ULK2: variants seen among roughly 807,000 people sequenced by gnomAD.
ULK2 encodes the protein unc-51 like autophagy activating kinase 2.
ULK2 carries 76 observed loss-of-function variants against 127.5 expected under a neutral mutation model. That is an observed-to-expected ratio of 0.60 (90% CI 0.50 to 0.72). The LOEUF is 0.72. ULK2 is among the 30% of genes least tolerant of loss of function. The probability of loss-of-function intolerance (pLI) is 0.00; values close to 1 mark genes in which losing one functional copy is unlikely to be tolerated. For missense variants in ULK2, 1,144 were observed against 1,295.9 expected, an observed-to-expected ratio of 0.88 and a Z score of 1.80; for synonymous variants, 452 against 461.9, an observed-to-expected ratio of 0.98 and a Z score of 0.28.
At chr17:19,846,713 A>G (rs1287892269) in intron 6 of ULK2, 24 bp downstream of exon 6, 18 of 1,544,424 alleles carry the variant, frequency 1.2e-5, no homozygotes, top group Non-Finnish European at 1.5e-5. Flanking sequence ...TGTCCTTTCC[A>G]TGACACAATA....
At position 19,774,744 on chromosome 17, in the gene ULK2, G is replaced by C. The variant is rs1043199584; in HGVS notation, c.*1605C>G. ...TTAATATGTACCCAGCTACACCCTA[G>C]AAACACTTTGTCAGTTTTATTTTAC... On this transcript the variant is annotated 3_prime_UTR_variant, in exon 27 of 27. Coordinates refer to ENST00000395544, the MANE Select transcript of ULK2 (RefSeq NM_014683.4). 6.6e-6 allele frequency: 1 copy of C among 152,470 alleles called. No individual in the cohort carries two copies. Among genetic ancestry groups the C allele is most frequent in the Admixed American group, 6.6e-5 (1 of 15,262 alleles). The allele number at this position is 152,470 out of a possible 1,614,324, so 9.4% of individuals were successfully genotyped here.
intron 19 of ULK2, 112 bp from the exon 20 acceptor site, chr17:19,795,837 G>C: frequency 9.4e-7 from 1 of 1,058,558 alleles, no homozygotes; most frequent in Non-Finnish European, 1.4e-6. Flanking sequence ...AAACAATTCA[G>C]GGTAGAGATA....
chr17:19,808,986 A>C (rs1000698680), intron 14 of ULK2, among the ~76,000 whole-genome samples: 7 of 152,252 alleles, frequency 4.6e-5, no homozygotes, highest in African/African-American at 1.7e-4. Context: ...TGTTTATAAC[A>C]GCATGCACAA....
intron 15 of ULK2, among the ~76,000 whole-genome samples, chr17:19,802,943 TA>T (rs1320663524): frequency 6.6e-6 from 1 of 152,190 alleles, no homozygotes; most frequent in African/African-American, 2.4e-5. Context: ...CAAAAAGTCA[TA>T]TTCATAACAA....
chr17:19,824,362 G>A (rs886659809), intron 12 of ULK2, among the ~76,000 whole-genome samples: 17 of 145,060 alleles, frequency 1.2e-4, no homozygotes, highest in Admixed American at 3.0e-4. Flanking sequence ...TGGGAGAATC[G>A]CTTAAACCCA....
At chr17:19,800,776 C>T (rs1184770144) in intron 16 of ULK2, among the ~76,000 whole-genome samples, 1 of 152,014 alleles carries the variant, frequency 6.6e-6, no homozygotes, top group Non-Finnish European at 1.5e-5. Context: ...TTGAGATTTG[C>T]CACCCCCAGG....
At chr17:19,856,438 C>T (rs189865421) in intron 3 of ULK2, among the ~76,000 whole-genome samples, 8 of 149,098 alleles carry the variant, frequency 5.4e-5, no homozygotes, top group South Asian at 2.1e-4. Context: ...AAAAATTAGC[C>T]GGGTATGGTG....
rs777885670 is a variant in ULK2, at chr17:19,796,214, A to G, written c.1878T>C (p.His626=). 3.0e-5 allele frequency: 49 copies of G among 1,614,084 alleles called. No homozygotes were observed. The Admixed American group carries it at 7.5e-4, about 25-fold the overall frequency. The part of the protein sequence containing the change: ...SSNLLALVTR[H]GPAEEQSKDG... ...CTTTCGACTGTTCTTCAGCAGGCCC[A>G]TGACGAGTAACCAAGGCTAACAGGT... Residue 626 remains histidine (H), a synonymous_variant, in exon 19 of 27, where the codon CAT becomes CAC. Coordinates refer to ENST00000395544, the MANE Select transcript of ULK2 (RefSeq NM_014683.4).
chr17:19,843,244 G>A (rs1743354753), intron 7 of ULK2, 22 bp from the exon 8 acceptor site: 1 of 1,483,320 alleles, frequency 6.7e-7, no homozygotes, highest in Non-Finnish European at 9.1e-7. Context: ...AAAATTTAAG[G>A]GGCATGCCGT....
intron 12 of ULK2, among the ~76,000 whole-genome samples, chr17:19,821,255 C>T (rs1415145849): frequency 2.0e-5 from 3 of 152,068 alleles, no homozygotes; most frequent in Admixed American, 6.6e-5. Flanking sequence ...TGCAGTGAGC[C>T]GAGATCGCGC....
chr17:19,847,117 G>C (rs1478936571), intron 5 of ULK2, among the ~76,000 whole-genome samples: 1 of 152,164 alleles, frequency 6.6e-6, no homozygotes, highest in Non-Finnish European at 1.5e-5. Context: ...GTTGTAAAGA[G>C]AACTGACTGG....
At position 19,853,575 on chromosome 17, in the gene ULK2, CTT is replaced by C. The variant is rs112448802; in HGVS notation, c.226-3803_226-3802del. On this transcript the variant is annotated intron_variant, in intron 3 of 26. Coordinates refer to ENST00000395544, the MANE Select transcript of ULK2 (RefSeq NM_014683.4). ...CATTCCTACAATTCGGCCCCACCTT[CTT>C]TTTTTTTTTTTGAGACAAGAGTCTC... 1.7e-4 allele frequency among the ~76,000 whole-genome samples: 25 copies of C among 144,170 alleles called. No homozygotes were observed. In the South Asian group the frequency reaches 2.0e-3, roughly 11 times the overall value. 94.6% of individuals were successfully genotyped at this position (144,170 alleles called of 152,430 possible). A position where few individuals can be genotyped will look rare whatever the true frequency, so the allele number is the denominator to read the frequency against.
At chr17:19,795,394 A>C (rs548713734) in intron 20 of ULK2, among the ~76,000 whole-genome samples, 1 of 142,842 alleles carries the variant, frequency 7.0e-6, no homozygotes, top group African/African-American at 2.6e-5. Context: ...AACTCCTTCC[A>C]TTAGTAACGC....
At chr17:19,789,910 CAAA>C (rs34932017) in intron 20 of ULK2, among the ~76,000 whole-genome samples, 2 of 57,666 alleles carry the variant, frequency 3.5e-5, no homozygotes, top group African/African-American at 9.4e-5. Context: ...AAAAAGCTGC[CAAA>C]AAAAAAAAAA....
intron 14 of ULK2, among the ~76,000 whole-genome samples, chr17:19,807,865 G>C (rs2087547166): frequency 6.6e-6 from 1 of 152,138 alleles, no homozygotes; most frequent in African/African-American, 2.4e-5. Flanking sequence ...TTTAAGGTTT[G>C]GGAGGCTGAA....
chr17:19,773,172 G>C lies in ULK2; in HGVS notation c.*3177C>G, dbSNP rs745651515. 1 of 152,120 alleles carries C rather than the reference G, an allele frequency of 6.6e-6. No individual in the cohort carries two copies. Among genetic ancestry groups the C allele is most frequent in the Non-Finnish European group, 1.5e-5 (1 of 68,056 alleles). 9.4% of individuals were successfully genotyped at this position (152,120 alleles called of 1,614,324 possible). A position where few individuals can be genotyped will look rare whatever the true frequency, so the allele number is the denominator to read the frequency against. On this transcript the variant is annotated 3_prime_UTR_variant, in exon 27 of 27. Coordinates refer to ENST00000395544, the MANE Select transcript of ULK2 (RefSeq NM_014683.4). ...CATGTCTGTAATCCTAGCTACCTGG[G>C]AGGCTGAGGAAGAAGAATCACTTGA...
At chr17:19,859,314 G>A (rs2042195610) in intron 3 of ULK2, among the ~76,000 whole-genome samples, 1 of 152,044 alleles carries the variant, frequency 6.6e-6, no homozygotes, top group Admixed American at 6.6e-5. Flanking sequence ...AGAAGTTCAA[G>A]ACCAGCCTGG....
intron 9 of ULK2, chr17:19,840,492 C>A: frequency 4.4e-6 from 2 of 457,400 alleles, no homozygotes; most frequent in South Asian, 3.7e-5. Context: ...AAAATTGGAT[C>A]AAACATTTAA....
intron 15 of ULK2, among the ~76,000 whole-genome samples, chr17:19,802,480 G>T (rs764704840): frequency 7.9e-5 from 12 of 152,116 alleles, no homozygotes; most frequent in Non-Finnish European, 1.8e-4. Flanking sequence ...AAATAAATTA[G>T]TAAGAAGCAT....
Sources: gnomAD v4.1 joint callset for allele counts (sites outside exome capture counted in the v4.1 genomes callset) on GRCh38, gnomAD v4.1.1 for gene constraint, MANE v1.5 for transcripts, NCBI Gene and HGNC (gene_info 2026-07-23, HGNC 2026-07-21) for gene names.